The following GTF3C1 variants were observed in gnomAD, a reference collection of about 807,000 sequenced individuals.
The protein encoded by GTF3C1 is general transcription factor 3C polypeptide 1.
A neutral mutation model predicts 226.7 loss-of-function variants in GTF3C1; 57 were observed. The observed-to-expected ratio is 0.25, with a 90% CI of 0.20 to 0.31. The LOEUF is 0.31. Among genes scored for constraint, GTF3C1 ranks in the 10% least tolerant of loss-of-function variants. GTF3C1 has a pLI of 1.00. For synonymous variants in GTF3C1, 1,090 were observed against 1,084.8 expected (o/e 1.00, Z -0.09); for missense variants, 2,217 against 2,776.1 (o/e 0.80, Z 4.53).
In GTF3C1 at chr16:27,488,433, A is replaced by G; in HGVS notation, c.3512-18T>C. On this transcript the variant is annotated intron_variant, in intron 22 of 36. Coordinates refer to ENST00000356183, the MANE Select transcript of GTF3C1 (RefSeq NM_001520.4). ...GCTGTTGCCTAGACATAATCACAGG[A>G]GACAACAGTTTCAGGACGAGTGCTG... The G allele has an allele frequency of 6.3e-7, 1 of 1,599,092 alleles. No individual in the cohort carries two copies. Among genetic ancestry groups the G allele is most frequent in the Non-Finnish European group, 8.6e-7 (1 of 1,166,578 alleles).
chr16:27,512,375 A>T (rs62029078), intron 6 of GTF3C1, among the ~76,000 whole-genome samples: 12,360 of 152,268 alleles, frequency 0.081, 621 homozygotes, highest in African/African-American at 0.1. Flanking sequence ...CAGCAGTGTA[A>T]ACGAGCTGTA....
chr16:27,484,815 C>T (rs2088110721), intron 24 of GTF3C1, among the ~76,000 whole-genome samples: 1 of 152,232 alleles, frequency 6.6e-6, no homozygotes, highest in African/African-American at 2.4e-5. Flanking sequence ...ACATCTTGGT[C>T]AATAACACAG....
Position 27,479,904 on chromosome 16 carries a change from A to C in GTF3C1, c.4196+1175T>G, listed in dbSNP as rs375225105. Among the ~76,000 whole-genome samples, 190 of 152,274 alleles carry C rather than the reference A, an allele frequency of 1.2e-3. 1 individual carries two copies. Among genetic ancestry groups the C allele is most frequent in the African/African-American group, 4.4e-3 (181 of 41,552 alleles). On this transcript the variant is annotated intron_variant, in intron 27 of 36. Coordinates refer to ENST00000356183, the MANE Select transcript of GTF3C1 (RefSeq NM_001520.4). ...CCTTTAAAAATCTCTGTCTTCTTTT[A>C]TGATTAAAAATTGTGGCCGGGTGCG...
In GTF3C1 at chr16:27,502,986, T is replaced by A. The variant is rs2141396758; in HGVS notation, c.1780A>T (p.Ser594Cys). The part of the protein sequence containing the change: ...VRMENPKESS[S>C]SLKTGRHSSG... ...CTGTGCCTCCCAGTCTTCAGGGAAC[T>A]GCTACTCTCCTAGAACAGAGACCGA... is the stretch of plus-strand genomic sequence containing the variant. Residue 594 changes from serine (S) to cysteine (C), a missense_variant, in exon 11 of 37, where the codon AGT (serine) becomes TGT (cysteine). Physicochemically the swap from Ser to Cys is moderately radical, Grantham distance 112. Around this residue, in one of 12 missense-constraint regions of GTF3C1, gnomAD observed 173 missense variants for 207.2 expected, o/e 0.83. Transcript: ENST00000356183. The A allele has an allele frequency of 6.2e-7, 1 of 1,612,568 alleles. No individual in the cohort carries two copies. The highest frequency in any genetic ancestry group is 2.2e-5 in the East Asian group (1 of 44,886).
At chr16:27,545,594 T>C (rs2089151182) in intron 1 of GTF3C1, 71 bp from the exon 2 acceptor site, 3 of 860,650 alleles carry the variant, frequency 3.5e-6, no homozygotes, top group South Asian at 2.8e-5. Flanking sequence ...CTGTGTTCTT[T>C]TGACAACCTC....
At chr16:27,524,373 T>C (rs1473973035) in intron 6 of GTF3C1, among the ~76,000 whole-genome samples, 1 of 152,240 alleles carries the variant, frequency 6.6e-6, no homozygotes, top group East Asian at 1.9e-4. Context: ...AACACACGGC[T>C]AGATTGGGCC....
In GTF3C1 at chr16:27,463,554, C is replaced by T; in HGVS notation, c.5911G>A (p.Ala1971Thr). The T allele has an allele frequency of 6.3e-7, 1 of 1,599,226 alleles. No individual in the cohort carries two copies. Among genetic ancestry groups the T allele is most frequent in the Middle Eastern group, 1.7e-4 (1 of 6,032 alleles). Residue 1971 changes from alanine (A) to threonine (T), a missense_variant, in exon 35 of 37, where the codon GCA (alanine) becomes ACA (threonine). Transcript: ENST00000356183. This position sits in a 1 kb window ranked among gnomAD's most constrained non-coding sequence, Gnocchi z 4.9. Reference protein sequence around the residue: ...ESFGAANISQAARERDCESVC... With the variant: ...ESFGAANISQTARERDCESVC... ...CCCCACACCCACCTTTCCCGTGCTG[C>T]CTGGGAGATGTTGGCAGCTCCGAAA...
At chr16:27,474,236 G>A (rs904556015) in intron 29 of GTF3C1, among the ~76,000 whole-genome samples, 13 of 152,254 alleles carry the variant, frequency 8.5e-5, no homozygotes, top group African/African-American at 3.1e-4. Context: ...CAGGCCGGTG[G>A]TCTTTCTAAG....
chr16:27,499,525 G>T (rs2088372919), intron 12 of GTF3C1, among the ~76,000 whole-genome samples: 1 of 152,222 alleles, frequency 6.6e-6, no homozygotes, highest in Non-Finnish European at 1.5e-5. Flanking sequence ...GCAGCTTCAT[G>T]CTGAACATGG....
At chr16:27,465,724 C>G (rs899600688) in intron 32 of GTF3C1, 184 bp from the exon 33 acceptor site, 4 of 599,952 alleles carry the variant, frequency 6.7e-6, no homozygotes, top group African/African-American at 1.9e-5. Context: ...GATCCGTGAC[C>G]CTAGGCCTCT....
intron 10 of GTF3C1, among the ~76,000 whole-genome samples, chr16:27,505,046 C>T (rs1368347296): frequency 6.6e-6 from 1 of 152,048 alleles, no homozygotes; most frequent in Admixed American, 6.5e-5. Flanking sequence ...TCAGTGTTTC[C>T]AAAATACAGG....
In GTF3C1 at chr16:27,463,506, C is replaced by T. The variant is rs373666758; in HGVS notation, c.5924+35G>A. The T allele has an allele frequency of 2.6e-4, 343 of 1,320,334 alleles. No individual in the cohort carries two copies. Among genetic ancestry groups the T allele is most frequent in the Non-Finnish European group, 3.4e-4 (314 of 913,724 alleles). 81.8% of individuals were successfully genotyped at this position (1,320,334 alleles called of 1,614,324 possible). ...TACACTCGGTCCCTGTCAAGAGCCC[C>T]GCCCCAGGCCCCGGAGCCAGAACCC... On this transcript the variant is annotated intron_variant, in intron 35 of 36. Coordinates refer to ENST00000356183, the MANE Select transcript of GTF3C1 (RefSeq NM_001520.4). This position sits in a 1 kb window ranked among gnomAD's most constrained non-coding sequence, Gnocchi z 4.9.
At chr16:27,527,453 G>A (rs2088849665) in intron 6 of GTF3C1, among the ~76,000 whole-genome samples, 1 of 152,150 alleles carries the variant, frequency 6.6e-6, no homozygotes, top group African/African-American at 2.4e-5. Context: ...AAAGTGCAGG[G>A]ATTACAGGCG....
chr16:27,484,615 C>A (rs1041630232), intron 24 of GTF3C1, among the ~76,000 whole-genome samples: 2 of 152,074 alleles, frequency 1.3e-5, no homozygotes, highest in African/African-American at 4.8e-5. Context: ...GACAAAGGTG[C>A]CCAACGGGGC....
At position 27,469,496 on chromosome 16, in the gene GTF3C1, G is replaced by A. The variant is rs768927402; in HGVS notation, c.4869C>T (p.Asp1623=). The change falls in exon 32 of 37, where the codon GAC becomes GAT. Residue 1623 remains aspartate (D), a synonymous_variant. Transcript: ENST00000356183. This position sits in a 1 kb window ranked among gnomAD's most constrained non-coding sequence, Gnocchi z 4.5. ...EDDEDEEDDL[D]EGVGGKRRSM... Reference sequence around the variant, plus strand: ...TCCGGCGCTTGCCCCCTACACCTTCGTCCAAGTCATCCTCTTCATCCTCGT... The same window carrying A: ...TCCGGCGCTTGCCCCCTACACCTTCATCCAAGTCATCCTCTTCATCCTCGT... 37 of 1,614,078 alleles carry A rather than the reference G, an allele frequency of 2.3e-5. No homozygotes were observed. Among genetic ancestry groups the A allele is most frequent in the South Asian group, 5.5e-5 (5 of 91,080 alleles).
At chr16:27,543,564 T>G (rs12924797) in intron 2 of GTF3C1, among the ~76,000 whole-genome samples, 16 of 152,096 alleles carry the variant, frequency 1.1e-4, no homozygotes, top group Admixed American at 1.0e-3. Flanking sequence ...TAGTTTTTTG[T>G]TTTTTTAATT....
chr16:27,483,416 G>C, intron 25 of GTF3C1: 1 of 558,072 alleles, frequency 1.8e-6, no homozygotes, highest in Non-Finnish European at 3.4e-6. Flanking sequence ...GGTTTGTCCA[G>C]GACCATATGG....
At chr16:27,494,438 C>T (rs1175835115) in intron 16 of GTF3C1, among the ~76,000 whole-genome samples, 6 of 151,222 alleles carry the variant, frequency 4.0e-5, no homozygotes, top group Admixed American at 6.6e-5. Flanking sequence ...AAAAAAACCA[C>T]GTTTTATTGT....
rs779606964 is a variant in GTF3C1, at chr16:27,507,033, C to T, written c.1366G>A (p.Val456Met). Residue 456 changes from valine (V) to methionine (M), a missense_variant, in exon 9 of 37, where the codon GTG becomes ATG. Val to Met is a conservative substitution (Grantham distance 21). Transcript: ENST00000356183. This position sits in a 1 kb window ranked among gnomAD's most constrained non-coding sequence, Gnocchi z 4.9. ...TCCTCCTGCATAGACGCCAGGCTCA[C>T]GGTGGTCAAGAGCTCGCTGCGGGCC... is the stretch of plus-strand genomic sequence containing the variant. ...EKARSELLTT[V>M]SLASMQEESL... 3.1e-6 allele frequency: 5 copies of T among 1,613,742 alleles called. No individual in the cohort carries two copies. Among genetic ancestry groups the T allele is most frequent in the African/African-American group, 1.3e-5 (1 of 74,924 alleles).
Sources: allele counts gnomAD v4.1 joint callset (sites outside exome capture counted in the v4.1 genomes callset), GRCh38; gene constraint gnomAD v4.1.1; regional missense constraint gnomAD v4.1.1; non-coding constraint Gnocchi (gnomAD v3.1); transcripts MANE v1.5; gene names NCBI Gene and HGNC (gene_info 2026-07-23, HGNC 2026-07-21).